ALCAM: variants seen among roughly 807,000 people sequenced by gnomAD.
ALCAM encodes CD166 antigen.
ALCAM carries 30 observed loss-of-function variants against 70.9 expected under a neutral mutation model. The observed-to-expected ratio is 0.42, with a 90% CI of 0.32 to 0.57. ALCAM has a LOEUF of 0.57. Ranked by LOEUF, ALCAM falls within the 20% of genes least tolerant of loss-of-function variation. The pLI is 0.11. For missense variants in ALCAM, 591 were observed against 695.1 expected (o/e 0.85, Z 1.68); for synonymous variants, 249 against 242.5 (o/e 1.03, Z -0.25).
At chr3:105,559,260 A>G (rs1940581867) in intron 14 of ALCAM, among the ~76,000 whole-genome samples, 1 of 148,058 alleles carries the variant, frequency 6.8e-6, no homozygotes, top group African/African-American at 2.5e-5. Context: ...ATATATACAT[A>G]TTTATATATA....
Position 105,540,079 on chromosome 3 carries a change from G to C in ALCAM, c.835G>C (p.Glu279Gln). The change falls in exon 7 of 16, where the codon GAG (glutamate) becomes CAG (glutamine). Residue 279 changes from glutamate (E) to glutamine (Q), a missense_variant. Glu to Gln is a conservative substitution (Grantham distance 29). Transcript: ENST00000306107. ...KCLGNGNPPP[E>Q]EFLFYLPGQP... is the part of the protein sequence containing the mutation. ...CTTAGGGAATGGCAACCCTCCCCCAGAGGAATTTTTGTTTTACTTACCAGT... is the reference window on the plus strand; with the variant it reads ...CTTAGGGAATGGCAACCCTCCCCCACAGGAATTTTTGTTTTACTTACCAGT... The C allele has an allele frequency of 3.1e-6, 5 of 1,611,782 alleles. No homozygotes were observed. Among genetic ancestry groups the C allele is most frequent in the Non-Finnish European group, 4.2e-6 (5 of 1,178,494 alleles).
intron 14 of ALCAM, 114 bp downstream of exon 14, chr3:105,552,699 T>C (rs1576238375): frequency 7.1e-6 from 11 of 1,558,616 alleles, no homozygotes; most frequent in Middle Eastern, 3.5e-4. Context: ...AAGGAAGATG[T>C]ATCCCCAAAT....
chr3:105,546,210 T>C (rs759417199), intron 9 of ALCAM, among the ~76,000 whole-genome samples: 10 of 66,666 alleles, frequency 1.5e-4, no homozygotes, highest in South Asian at 5.5e-4. Context: ...TAACCCATGA[T>C]GGGTTCAGAA....
intron 14 of ALCAM, among the ~76,000 whole-genome samples, chr3:105,563,043 T>A (rs1940660041): frequency 6.6e-6 from 1 of 152,172 alleles, no homozygotes; most frequent in East Asian, 1.9e-4. Context: ...CAACCTCAGG[T>A]GATCCGCCCT....
intron 1 of ALCAM, among the ~76,000 whole-genome samples, chr3:105,381,913 C>T (rs1935531965): frequency 1.3e-5 from 2 of 150,774 alleles, no homozygotes; most frequent in Non-Finnish European, 3.0e-5. Flanking sequence ...TTTTATTTTA[C>T]TTTATTTTTT....
intron 1 of ALCAM, among the ~76,000 whole-genome samples, chr3:105,374,281 C>A (rs770329476): frequency 7.2e-5 from 11 of 152,060 alleles, no homozygotes; most frequent in Non-Finnish European, 1.3e-4. Flanking sequence ...TGGGGCCAGG[C>A]TCAGTGGCTC....
At chr3:105,461,066 A>C (rs1937597302) in intron 1 of ALCAM, among the ~76,000 whole-genome samples, 1 of 151,008 alleles carries the variant, frequency 6.6e-6, no homozygotes, top group Non-Finnish European at 1.5e-5. Flanking sequence ...TATTACTATG[A>C]AGTATAATAC....
chr3:105,386,660 A>AT (rs1935663295), intron 1 of ALCAM, among the ~76,000 whole-genome samples: 1 of 146,038 alleles, frequency 6.8e-6, no homozygotes, highest in Admixed American at 6.8e-5. Flanking sequence ...ATACCACCAT[A>AT]AATATATATA....
chr3:105,453,298 C>G (rs12186024), intron 1 of ALCAM, among the ~76,000 whole-genome samples: 24,584 of 152,144 alleles, frequency 0.16, 2,248 homozygotes, highest in East Asian at 0.38. Flanking sequence ...TATGGCTAGC[C>G]GGTTTTCCCA....
intron 14 of ALCAM, among the ~76,000 whole-genome samples, chr3:105,563,590 A>T (rs879238937): frequency 7.0e-6 from 1 of 143,386 alleles, no homozygotes; most frequent in African/African-American, 2.6e-5. Flanking sequence ...GTGTTTTCTT[A>T]TTCATTCAGT....
intron 14 of ALCAM, among the ~76,000 whole-genome samples, chr3:105,565,449 CTG>C (rs1299738047): frequency 6.6e-6 from 1 of 152,130 alleles, no homozygotes; most frequent in East Asian, 1.9e-4. Flanking sequence ...CATTTCTGAT[CTG>C]TGTTTCTCAG....
At chr3:105,431,223 C>T (rs1000534523) in intron 1 of ALCAM, among the ~76,000 whole-genome samples, 2 of 151,440 alleles carry the variant, frequency 1.3e-5, no homozygotes, top group African/African-American at 4.9e-5. Context: ...CCATGAAACT[C>T]AGCAGCAGAC....
chr3:105,536,195 G>C (rs1439715937), intron 6 of ALCAM, among the ~76,000 whole-genome samples: 1 of 150,928 alleles, frequency 6.6e-6, no homozygotes, highest in Non-Finnish European at 1.5e-5. Context: ...TTGAATTCAA[G>C]TGCTTCTCCT....
chr3:105,478,233 TAGATTCA>T (rs994942588), intron 1 of ALCAM, among the ~76,000 whole-genome samples: 8 of 152,128 alleles, frequency 5.3e-5, no homozygotes, highest in East Asian at 3.8e-4. Context: ...CCAATTAAGT[TAGATTCA>T]AGGCTGCTGT....
At chr3:105,411,492 A>G (rs1936390303) in intron 1 of ALCAM, among the ~76,000 whole-genome samples, 2 of 152,112 alleles carry the variant, frequency 1.3e-5, no homozygotes, top group Admixed American at 6.6e-5. Flanking sequence ...CAATGGCATC[A>G]GGAGCATTAG....
chr3:105,486,929 C>T (rs867451147), intron 1 of ALCAM, among the ~76,000 whole-genome samples: 5 of 141,196 alleles, frequency 3.5e-5, no homozygotes, highest in Admixed American at 7.7e-5. Flanking sequence ...AATTATTCTT[C>T]GGCTATCTCT....
At chr3:105,444,324 G>A (rs1322211022) in intron 1 of ALCAM, among the ~76,000 whole-genome samples, 2 of 152,186 alleles carry the variant, frequency 1.3e-5, no homozygotes, top group African/African-American at 2.4e-5. Flanking sequence ...GGAAAGGGAA[G>A]ACGCACATCT....
At chr3:105,384,163 C>G (rs1200841902) in intron 1 of ALCAM, among the ~76,000 whole-genome samples, 1 of 151,550 alleles carries the variant, frequency 6.6e-6, no homozygotes, top group Non-Finnish European at 1.5e-5. Flanking sequence ...AATTCAGTCA[C>G]TAACTTAACA....
intron 1 of ALCAM, among the ~76,000 whole-genome samples, chr3:105,403,346 C>T (rs1936138750): frequency 6.6e-6 from 1 of 152,148 alleles, no homozygotes; most frequent in Admixed American, 6.5e-5. Context: ...ATGGTGTCCA[C>T]TTCACTCCCC....
Sources: allele counts gnomAD v4.1 joint callset (sites outside exome capture counted in the v4.1 genomes callset), GRCh38; gene constraint gnomAD v4.1.1; transcripts MANE v1.5; gene names NCBI Gene and HGNC (gene_info 2026-07-23, HGNC 2026-07-21).